CAMTA1: variants seen among roughly 807,000 people sequenced by gnomAD.
The protein encoded by CAMTA1 is calmodulin-binding transcription activator 1.
A neutral mutation model predicts 170.9 loss-of-function variants in CAMTA1; 27 were observed. That is an observed-to-expected ratio of 0.16 (90% confidence interval 0.12 to 0.22). The LOEUF is 0.22. Ranked by LOEUF, CAMTA1 falls within the 10% of genes least tolerant of loss-of-function variation. The probability of loss-of-function intolerance (pLI) is 1.00; values close to 1 mark genes in which losing one functional copy is unlikely to be tolerated. For missense variants in CAMTA1, 1,619 were observed against 2,217.2 expected, an observed-to-expected ratio of 0.73 and a Z score of 5.42; for synonymous variants, 833 against 891.5, an observed-to-expected ratio of 0.93 and a Z score of 1.17.
chr1:7,502,707 G>A (rs990205744), intron 6 of CAMTA1, among the ~76,000 whole-genome samples: 8 of 152,236 alleles, frequency 5.3e-5, no homozygotes, highest in African/African-American at 1.9e-4. Flanking sequence ...ATGAGATGAG[G>A]ACACTGAGCA....
At chr1:7,142,992 T>G (rs1224607573) in intron 4 of CAMTA1, among the ~76,000 whole-genome samples, 1 of 152,182 alleles carries the variant, frequency 6.6e-6, no homozygotes, top group Non-Finnish European at 1.5e-5. Flanking sequence ...GTTTCTCCAG[T>G]CTAAGGTTCA....
intron 5 of CAMTA1, among the ~76,000 whole-genome samples, chr1:7,420,745 G>A (rs1488374150): frequency 6.6e-6 from 1 of 152,254 alleles, no homozygotes; most frequent in Non-Finnish European, 1.5e-5. Flanking sequence ...CCAAGCTGGT[G>A]GAGAAGCAGA....
chr1:7,101,661 TAC>T lies in CAMTA1; in HGVS notation c.302+10298_302+10299del, dbSNP rs140391480. 4.7e-3 allele frequency among the ~76,000 whole-genome samples: 717 copies of T among 152,314 alleles called. 7 individuals carry two copies. The highest frequency in any genetic ancestry group is 0.016 in the African/African-American group (664 of 41,548). On this transcript the variant is annotated intron_variant, in intron 4 of 22. Transcript: ENST00000303635. Reference sequence around the variant, plus strand: ...GTGAGCTTACACACATGTATGCACATACACACACAGCACACATGTAGACACAT... The same window carrying T: ...GTGAGCTTACACACATGTATGCACATACACACAGCACACATGTAGACACAT...
chr1:7,001,902 T>C (rs377135177), intron 3 of CAMTA1, among the ~76,000 whole-genome samples: 6,867 of 149,308 alleles, frequency 0.046, 216 homozygotes, highest in South Asian at 0.12. Context: ...TTCTTCTTTT[T>C]TTTTTTTTTT....
chr1:6,854,465 C>T (rs920212922), intron 3 of CAMTA1, among the ~76,000 whole-genome samples: 2 of 152,122 alleles, frequency 1.3e-5, no homozygotes, highest in African/African-American at 4.8e-5. Flanking sequence ...CCTAGTGATG[C>T]ATTTCTCAGA....
intron 12 of CAMTA1, among the ~76,000 whole-genome samples, chr1:7,733,216 GA>G (rs1195080064): frequency 2.7e-5 from 4 of 148,372 alleles, no homozygotes; most frequent in African/African-American, 9.9e-5. Context: ...AGAAGAAGAA[GA>G]AAAAAAAAGG....
At chr1:6,964,020 T>G (rs1691048956) in intron 3 of CAMTA1, among the ~76,000 whole-genome samples, 1 of 151,744 alleles carries the variant, frequency 6.6e-6, no homozygotes, top group African/African-American at 2.4e-5. Flanking sequence ...GGTGCCTGGT[T>G]AGGGGTACAG....
At chr1:7,442,933 GCTA>G (rs2149418127) in intron 5 of CAMTA1, among the ~76,000 whole-genome samples, 1 of 152,294 alleles carries the variant, frequency 6.6e-6, no homozygotes, top group African/African-American at 2.4e-5. Flanking sequence ...ATGACACAGT[GCTA>G]CTGCCCTGGC....
At chr1:7,446,737 T>C (rs892959864) in intron 5 of CAMTA1, among the ~76,000 whole-genome samples, 1 of 152,180 alleles carries the variant, frequency 6.6e-6, no homozygotes, top group Non-Finnish European at 1.5e-5. Flanking sequence ...CAGGGGACAT[T>C]GTGAAAGGGA....
intron 5 of CAMTA1, among the ~76,000 whole-genome samples, chr1:7,278,368 A>G (rs1293839427): frequency 6.6e-6 from 1 of 152,176 alleles, no homozygotes; most frequent in East Asian, 1.9e-4. Flanking sequence ...ATGGAGGGGA[A>G]CTGTACAGCT....
At chr1:7,037,293 T>C (rs551989477) in intron 3 of CAMTA1, among the ~76,000 whole-genome samples, 3 of 152,308 alleles carry the variant, frequency 2.0e-5, no homozygotes, top group Non-Finnish European at 2.9e-5. Flanking sequence ...GAGAGTTTCA[T>C]AGGCATGTTT....
chr1:7,140,404 C>T (rs1010597333), intron 4 of CAMTA1, among the ~76,000 whole-genome samples: 9 of 152,136 alleles, frequency 5.9e-5, no homozygotes, highest in African/African-American at 2.2e-4. Flanking sequence ...GTAAGTAGCT[C>T]CCCTCCACCC....
chr1:7,361,797 G>C (rs868468467), intron 5 of CAMTA1, among the ~76,000 whole-genome samples: 21 of 152,204 alleles, frequency 1.4e-4, no homozygotes, highest in African/African-American at 4.8e-4. Context: ...TGTTTAGCAA[G>C]TAACGTAAAC....
chr1:7,526,906 GGCATTA>G (rs1557866231), intron 6 of CAMTA1, among the ~76,000 whole-genome samples: 1 of 152,174 alleles, frequency 6.6e-6, no homozygotes, highest in Non-Finnish European at 1.5e-5. Flanking sequence ...TGTGTCTCTG[GGCATTA>G]AGCTACGTTA....
intron 3 of CAMTA1, among the ~76,000 whole-genome samples, chr1:6,998,318 C>G (rs1697650347): frequency 1.3e-5 from 2 of 152,118 alleles, no homozygotes; most frequent in Admixed American, 6.6e-5. Context: ...GGTGATCCGC[C>G]CATCTCTGAG....
intron 4 of CAMTA1, among the ~76,000 whole-genome samples, chr1:7,218,559 C>T (rs997941749): frequency 3.9e-5 from 6 of 152,152 alleles, no homozygotes; most frequent in Admixed American, 2.6e-4. Flanking sequence ...TGGCTTCTCC[C>T]TCCCTCCCCT....
chr1:7,705,701 A>G (rs2096514703), intron 11 of CAMTA1, among the ~76,000 whole-genome samples: 2 of 152,122 alleles, frequency 1.3e-5, no homozygotes, highest in South Asian at 2.1e-4. Flanking sequence ...AGGTGCGGGC[A>G]CAGCCCTGCG....
chr1:7,214,407 C>T (rs1225501221), intron 4 of CAMTA1, among the ~76,000 whole-genome samples: 1 of 145,930 alleles, frequency 6.9e-6, no homozygotes, highest in African/African-American at 2.8e-5. Flanking sequence ...CACTCTGTCA[C>T]CCAGGCTGGA....
At chr1:7,057,378 C>G (rs911688544) in intron 3 of CAMTA1, among the ~76,000 whole-genome samples, 2 of 152,162 alleles carry the variant, frequency 1.3e-5, no homozygotes, top group Non-Finnish European at 2.9e-5. Context: ...ATCAACTATA[C>G]AGGTATTTAA....
Sources: gnomAD v4.1 joint callset for allele counts (sites outside exome capture counted in the v4.1 genomes callset) on GRCh38, gnomAD v4.1.1 for gene constraint, MANE v1.5 for transcripts, NCBI Gene and HGNC (gene_info 2026-07-23, HGNC 2026-07-21) for gene names.